LPGAT1: variants seen among roughly 807,000 people sequenced by gnomAD.
LPGAT1 encodes acyl-CoA:lysophosphatidylglycerol acyltransferase 1.
In LPGAT1, 11 loss-of-function variants were observed where a neutral mutation model predicts 47.5. The ratio of observed to expected loss-of-function variants is 0.23; its 90% confidence interval spans 0.15 to 0.38. The LOEUF (loss-of-function observed/expected upper bound fraction) is 0.38, where lower values mean the gene tolerates loss of function less well. Among genes scored for constraint, LPGAT1 ranks in the 10% least tolerant of loss-of-function variants. The pLI, the probability that LPGAT1 is intolerant of heterozygous loss-of-function variation, is 1.00. For missense variants in LPGAT1, 293 were observed against 439.0 expected, an observed-to-expected ratio of 0.67 and a Z score of 2.97; for synonymous variants, 138 against 144.2, an observed-to-expected ratio of 0.96 and a Z score of 0.31.
chr1:211,755,798 A>C (rs1657420418), intron 6 of LPGAT1, among the ~76,000 whole-genome samples: 3 of 152,186 alleles, frequency 2.0e-5, no homozygotes, highest in Admixed American at 1.3e-4. Flanking sequence ...TTACACAGAA[A>C]ATAACTCTCC....
At chr1:211,812,123 A>T (rs181682289) in intron 2 of LPGAT1, among the ~76,000 whole-genome samples, 5 of 152,356 alleles carry the variant, frequency 3.3e-5, no homozygotes, top group Admixed American at 1.3e-4. Context: ...CAGATACTCA[A>T]TCAAGGTGTT....
At chr1:211,773,890 A>G (rs1437017962) in intron 6 of LPGAT1, among the ~76,000 whole-genome samples, 1 of 152,194 alleles carries the variant, frequency 6.6e-6, no homozygotes, top group Non-Finnish European at 1.5e-5. Context: ...TACTTTTGAA[A>G]AAGTTCAATA....
intron 6 of LPGAT1, among the ~76,000 whole-genome samples, chr1:211,774,280 C>T (rs548740290): frequency 1.3e-4 from 19 of 151,682 alleles, no homozygotes; most frequent in African/African-American, 4.6e-4. Flanking sequence ...CCACACCTAG[C>T]TAATTTTTGT....
At chr1:211,806,431 A>T (rs550674309) in intron 2 of LPGAT1, among the ~76,000 whole-genome samples, 2 of 152,252 alleles carry the variant, frequency 1.3e-5, no homozygotes, top group East Asian at 3.9e-4. Flanking sequence ...CAGAAAATCA[A>T]ATACCGCATG....
intron 2 of LPGAT1, among the ~76,000 whole-genome samples, chr1:211,822,047 TCAAAG>T (rs1316352002): frequency 6.6e-6 from 1 of 152,154 alleles, no homozygotes; most frequent in African/African-American, 2.4e-5. Flanking sequence ...CACATCTAAA[TCAAAG>T]CAAATTATAA....
At chr1:211,790,308 A>G (rs911790561) in intron 3 of LPGAT1, among the ~76,000 whole-genome samples, 3 of 152,182 alleles carry the variant, frequency 2.0e-5, no homozygotes, top group Non-Finnish European at 4.4e-5. Context: ...GTCCTATTAA[A>G]ATGCCAACAG....
At chr1:211,767,303 T>C (rs1306767245) in intron 6 of LPGAT1, among the ~76,000 whole-genome samples, 1 of 152,104 alleles carries the variant, frequency 6.6e-6, no homozygotes, top group Non-Finnish European at 1.5e-5. Context: ...CATGCCCAGC[T>C]AATTTTTTTT....
chr1:211,775,764 A>G (rs1658371974), intron 6 of LPGAT1, among the ~76,000 whole-genome samples: 1 of 151,860 alleles, frequency 6.6e-6, no homozygotes, highest in Non-Finnish European at 1.5e-5. Context: ...CTCCATCTCT[A>G]CTAAAAATAC....
At chr1:211,816,027 C>T (rs989189899) in intron 2 of LPGAT1, among the ~76,000 whole-genome samples, 4 of 151,966 alleles carry the variant, frequency 2.6e-5, no homozygotes, top group Admixed American at 6.6e-5. Flanking sequence ...GTGATCCACC[C>T]GACTCGGCCT....
chr1:211,756,261 A>G (rs1434079499), intron 6 of LPGAT1, among the ~76,000 whole-genome samples: 1 of 152,154 alleles, frequency 6.6e-6, no homozygotes, highest in Non-Finnish European at 1.5e-5. Flanking sequence ...AAAACAAAAA[A>G]AATCCCCTAT....
At chr1:211,789,554 C>T (rs769268178) in intron 3 of LPGAT1, among the ~76,000 whole-genome samples, 4 of 152,108 alleles carry the variant, frequency 2.6e-5, no homozygotes, top group African/African-American at 4.8e-5. Context: ...CATAAATTGT[C>T]ATAAAAGGCC....
chr1:211,785,095 G>A lies in LPGAT1; in HGVS notation c.454-1593C>T, dbSNP rs185834610. Among the ~76,000 whole-genome samples the A allele has an allele frequency of 3.9e-3, 596 of 152,154 alleles. 3 individuals are homozygous for A. The highest frequency in any genetic ancestry group is 6.2e-3 in the Admixed American group (94 of 15,278). On this transcript the variant is annotated intron_variant, in intron 4 of 7. Transcript: ENST00000366997. ...TGGGATTACAGGCGTGAGCCACTGCGCCCAGCCGGTTCTTTCTTTCAGTGT... is the reference window on the plus strand; with the variant it reads ...TGGGATTACAGGCGTGAGCCACTGCACCCAGCCGGTTCTTTCTTTCAGTGT...
intron 6 of LPGAT1, among the ~76,000 whole-genome samples, chr1:211,764,621 C>T (rs1198982552): frequency 2.0e-5 from 3 of 152,158 alleles, no homozygotes; most frequent in African/African-American, 7.2e-5. Context: ...GGCCTAACAA[C>T]ATACTAAAAT....
At chr1:211,763,124 T>G (rs1281436471) in intron 6 of LPGAT1, among the ~76,000 whole-genome samples, 1 of 152,208 alleles carries the variant, frequency 6.6e-6, no homozygotes, top group East Asian at 1.9e-4. Flanking sequence ...AAAAGAGATA[T>G]CACTTGAATT....
intron 6 of LPGAT1, among the ~76,000 whole-genome samples, chr1:211,772,820 C>T (rs1658235928): frequency 6.6e-6 from 1 of 152,158 alleles, no homozygotes; most frequent in Non-Finnish European, 1.5e-5. Context: ...TCTGAAATCA[C>T]AGCCCCTAAA....
intron 1 of LPGAT1, chr1:211,829,871 T>C (rs1660665660): frequency 1.0e-6 from 1 of 979,932 alleles, no homozygotes; most frequent in African/African-American, 1.8e-5. Context: ...TTGTTTCCCT[T>C]TTTTTTTTAA....
intron 2 of LPGAT1, among the ~76,000 whole-genome samples, chr1:211,804,995 T>C (rs1224829079): frequency 6.6e-6 from 1 of 151,922 alleles, no homozygotes; most frequent in African/African-American, 2.4e-5. Context: ...TTGAATAAAT[T>C]CATAGAGAAA....
intron 2 of LPGAT1, among the ~76,000 whole-genome samples, chr1:211,795,036 G>A (rs1273998903): frequency 6.6e-6 from 1 of 152,132 alleles, no homozygotes; most frequent in African/African-American, 2.4e-5. Flanking sequence ...GGTTGCCAGG[G>A]GCTGGGGGAG....
chr1:211,797,311 CTTT>C (rs200601647), intron 2 of LPGAT1, among the ~76,000 whole-genome samples: 4 of 122,630 alleles, frequency 3.3e-5, no homozygotes, highest in Admixed American at 1.7e-4. Context: ...CTTTCCTTTT[CTTT>C]TTTTTTTTTT....
Sources: allele counts gnomAD v4.1 joint callset (sites outside exome capture counted in the v4.1 genomes callset), GRCh38; gene constraint gnomAD v4.1.1; transcripts MANE v1.5; gene names NCBI Gene and HGNC (gene_info 2026-07-23, HGNC 2026-07-21).